Variants in STPG2 observed in about 807,000 individuals in gnomAD.
STPG2 encodes sperm-tail PG-rich repeat-containing protein 2.
In STPG2, 56 loss-of-function variants were observed where a neutral mutation model predicts 54.2. The ratio of observed to expected loss-of-function variants is 1.03; its 90% CI spans 0.83 to 1.29. STPG2 has a LOEUF of 1.29. Among genes scored for constraint, STPG2 ranks in the 50% most tolerant of loss-of-function variants. The probability of loss-of-function intolerance (pLI) is 0.00; values close to 1 mark genes in which losing one functional copy is unlikely to be tolerated. For synonymous variants in STPG2, 200 were observed against 181.8 expected (o/e 1.10, Z -0.81); for missense variants, 596 against 544.9 (o/e 1.09, Z -0.93).
intron 10 of STPG2, among the ~76,000 whole-genome samples, chr4:97,661,563 A>C (rs974750674): frequency 3.3e-5 from 5 of 152,148 alleles, no homozygotes; most frequent in African/African-American, 4.8e-5. Flanking sequence ...GAATTAGAAG[A>C]TACAGGATAT....
intron 5 of STPG2, among the ~76,000 whole-genome samples, chr4:98,019,276 C>T (rs1736087567): frequency 6.6e-6 from 1 of 152,250 alleles, no homozygotes; most frequent in South Asian, 2.1e-4. Flanking sequence ...AATAGGGAAT[C>T]CCTTTCCCAT....
intron 5 of STPG2, among the ~76,000 whole-genome samples, chr4:98,033,685 C>T (rs965743242): frequency 1.3e-5 from 2 of 152,046 alleles, no homozygotes; most frequent in Admixed American, 1.3e-4. Context: ...TGATGAACAT[C>T]GATGCGAAAA....
At chr4:97,750,057 A>G (rs541854853) in intron 9 of STPG2, among the ~76,000 whole-genome samples, 1 of 151,850 alleles carries the variant, frequency 6.6e-6, no homozygotes, top group Non-Finnish European at 1.5e-5. Flanking sequence ...TGCTATTTGC[A>G]TAAGTGCAGA....
chr4:97,989,239 G>A (rs1325958414), intron 5 of STPG2, among the ~76,000 whole-genome samples: 1 of 152,070 alleles, frequency 6.6e-6, no homozygotes, highest in African/African-American at 2.4e-5. Flanking sequence ...ATATAAACCT[G>A]CAAAATATGC....
intron 9 of STPG2, among the ~76,000 whole-genome samples, chr4:97,819,325 A>G (rs1264238491): frequency 6.6e-6 from 1 of 152,128 alleles, no homozygotes; most frequent in Non-Finnish European, 1.5e-5. Flanking sequence ...AACAGAATAA[A>G]TAATTAATTT....
At chr4:97,927,634 A>G (rs140860400) in intron 8 of STPG2, among the ~76,000 whole-genome samples, 4 of 152,220 alleles carry the variant, frequency 2.6e-5, no homozygotes, top group Admixed American at 2.0e-4. Flanking sequence ...TTATAATACT[A>G]TCATATTCAT....
At chr4:97,529,581 G>T (rs1731367455) in intron 4 of STPG2, among the ~76,000 whole-genome samples, 1 of 152,118 alleles carries the variant, frequency 6.6e-6, no homozygotes, top group Non-Finnish European at 1.5e-5. Context: ...TTGCATGTCT[G>T]GTAGAATTCG....
chr4:97,495,872 C>G (rs1730601510), intron 4 of STPG2, among the ~76,000 whole-genome samples: 1 of 151,480 alleles, frequency 6.6e-6, no homozygotes, highest in South Asian at 2.1e-4. Flanking sequence ...TTATTAACAT[C>G]TGTATATATC....
intron 8 of STPG2, among the ~76,000 whole-genome samples, chr4:97,884,772 T>C (rs1560570808): frequency 6.6e-6 from 1 of 152,028 alleles, no homozygotes; most frequent in African/African-American, 2.4e-5. Context: ...TAAGAAATTA[T>C]AGAAAAGACA....
chr4:98,119,815 C>T (rs1239981908), intron 3 of STPG2, among the ~76,000 whole-genome samples: 1 of 152,078 alleles, frequency 6.6e-6, no homozygotes, highest in East Asian at 1.9e-4. Context: ...ATTTAGCTCC[C>T]ACTTATAAGA....
intron 10 of STPG2, among the ~76,000 whole-genome samples, chr4:97,608,533 G>A (rs1172427836): frequency 2.0e-5 from 3 of 151,980 alleles, no homozygotes; most frequent in Non-Finnish European, 4.4e-5. Flanking sequence ...AGTCAACAGT[G>A]TCCTGTATTT....
At chr4:97,864,663 G>C (rs1321566875) in intron 8 of STPG2, among the ~76,000 whole-genome samples, 4 of 152,130 alleles carry the variant, frequency 2.6e-5, no homozygotes, top group Non-Finnish European at 5.9e-5. Flanking sequence ...AACAAAGCTG[G>C]AGGCATCACA....
At chr4:98,010,678 AT>A (rs1020404634) in intron 5 of STPG2, among the ~76,000 whole-genome samples, 36 of 151,782 alleles carry the variant, frequency 2.4e-4, no homozygotes, top group African/African-American at 6.5e-4. Context: ...TATTTTGCTG[AT>A]TTTTTTCTGG....
intron 10 of STPG2, among the ~76,000 whole-genome samples, chr4:97,643,731 T>A (rs1366216483): frequency 6.6e-6 from 1 of 151,838 alleles, no homozygotes; most frequent in Non-Finnish European, 1.5e-5. Flanking sequence ...TAGCAGTGAT[T>A]GAAGTTGTCT....
chr4:98,071,644 A>G (rs568158249), intron 5 of STPG2, among the ~76,000 whole-genome samples: 1 of 152,214 alleles, frequency 6.6e-6, no homozygotes, highest in Non-Finnish European at 1.5e-5. Context: ...AGAATGGGAG[A>G]AAAATTTTGC....
At chr4:97,810,551 C>T (rs1301907063) in intron 9 of STPG2, among the ~76,000 whole-genome samples, 2 of 151,846 alleles carry the variant, frequency 1.3e-5, no homozygotes, top group African/African-American at 4.8e-5. Context: ...TCTAATATTT[C>T]CTAAAGCCTT....
chr4:97,864,250 T>A (rs530272737), intron 8 of STPG2, among the ~76,000 whole-genome samples: 1 of 152,276 alleles, frequency 6.6e-6, no homozygotes, highest in Non-Finnish European at 1.5e-5. Context: ...TTCAGCAAAG[T>A]CTCAGGATAC....
intron 4 of STPG2, among the ~76,000 whole-genome samples, chr4:97,513,223 G>A (rs1415093483): frequency 6.6e-6 from 1 of 152,076 alleles, no homozygotes; most frequent in African/African-American, 2.4e-5. Flanking sequence ...GTAAAGAAGG[G>A]GAGAAGGGGC....
intron 8 of STPG2, among the ~76,000 whole-genome samples, chr4:97,941,664 G>A (rs564401946): frequency 1.3e-5 from 2 of 151,996 alleles, no homozygotes; most frequent in South Asian, 2.1e-4. Context: ...TTTTAAGACT[G>A]CAGCATATCC....
Sources: allele counts gnomAD v4.1 joint callset (sites outside exome capture counted in the v4.1 genomes callset), GRCh38; gene constraint gnomAD v4.1.1; transcripts MANE v1.5; gene names NCBI Gene and HGNC (gene_info 2026-07-23, HGNC 2026-07-21).